Variants in LDB2 observed in about 807,000 individuals in gnomAD.
The protein encoded by LDB2 is LIM domain-binding protein 2.
LDB2 carries 12 observed loss-of-function variants against 44.3 expected under a neutral mutation model. That is an observed-to-expected ratio of 0.27 (90% CI 0.17 to 0.44). LDB2 has a LOEUF of 0.44. LDB2 is among the 20% of genes least tolerant of loss of function. The pLI, the probability that LDB2 is intolerant of heterozygous loss-of-function variation, is 1.00. For synonymous variants in LDB2, 164 were observed against 174.8 expected, an observed-to-expected ratio of 0.94 and a Z score of 0.49; for missense variants, 344 against 473.5, an observed-to-expected ratio of 0.73 and a Z score of 2.54.
chr4:16,742,480 T>G (rs1763505049), intron 2 of LDB2, among the ~76,000 whole-genome samples: 4 of 152,218 alleles, frequency 2.6e-5, no homozygotes, highest in Admixed American at 2.6e-4. Flanking sequence ...CTTGTCTACC[T>G]TTTCTACAAG....
intron 1 of LDB2, among the ~76,000 whole-genome samples, chr4:16,798,983 TG>T (rs1215171157): frequency 1.3e-5 from 2 of 152,198 alleles, no homozygotes; most frequent in Non-Finnish European, 2.9e-5. Flanking sequence ...CCTGAGTAGC[TG>T]GGACTACAGG....
chr4:16,802,109 A>C (rs934679200), intron 1 of LDB2, among the ~76,000 whole-genome samples: 1 of 151,766 alleles, frequency 6.6e-6, no homozygotes, highest in Admixed American at 6.6e-5. Context: ...TCCAAGTGTC[A>C]GTAAGCATTA....
At chr4:16,590,537 A>G (rs1718570935) in intron 3 of LDB2, among the ~76,000 whole-genome samples, 1 of 152,218 alleles carries the variant, frequency 6.6e-6, no homozygotes, top group South Asian at 2.1e-4. Flanking sequence ...GGTGCATTCC[A>G]TGCGCTCTAA....
At chr4:16,572,553 T>TTG (rs1746942788) in intron 5 of LDB2, among the ~76,000 whole-genome samples, 1 of 152,174 alleles carries the variant, frequency 6.6e-6, no homozygotes, top group Admixed American at 6.5e-5. Flanking sequence ...TTTGTTTATT[T>TTG]TGTATATATA....
At chr4:16,789,776 CA>C (rs1225531450) in intron 1 of LDB2, among the ~76,000 whole-genome samples, 1 of 152,018 alleles carries the variant, frequency 6.6e-6, no homozygotes, top group African/African-American at 2.4e-5. Context: ...CTAAAAAATA[CA>C]AAAAATTAGC....
At chr4:16,785,507 T>A (rs753430303) in intron 1 of LDB2, among the ~76,000 whole-genome samples, 6 of 152,086 alleles carry the variant, frequency 3.9e-5, no homozygotes, top group Non-Finnish European at 7.3e-5. Flanking sequence ...CAGGCCAAAA[T>A]GTAATGTGGC....
At chr4:16,700,228 T>A (rs1478869400) in intron 2 of LDB2, among the ~76,000 whole-genome samples, 1 of 152,190 alleles carries the variant, frequency 6.6e-6, no homozygotes, top group African/African-American at 2.4e-5. Context: ...GTAGTGTAAA[T>A]ATGTTTCCAG....
chr4:16,589,802 G>C (rs138283292), intron 3 of LDB2, among the ~76,000 whole-genome samples: 4 of 152,098 alleles, frequency 2.6e-5, no homozygotes, highest in Admixed American at 2.6e-4. Flanking sequence ...AATAGCGGGC[G>C]GATACTTTGG....
chr4:16,803,794 A>G (rs1052112611), intron 1 of LDB2, among the ~76,000 whole-genome samples: 1 of 152,258 alleles, frequency 6.6e-6, no homozygotes, highest in South Asian at 2.1e-4. Flanking sequence ...TGTTCATAAG[A>G]TGAAGAGAAC....
chr4:16,700,107 C>T (rs578114740), intron 2 of LDB2, among the ~76,000 whole-genome samples: 3 of 152,266 alleles, frequency 2.0e-5, no homozygotes, highest in African/African-American at 7.2e-5. Flanking sequence ...ATCCAGAATG[C>T]TCCAATGAAC....
intron 5 of LDB2, among the ~76,000 whole-genome samples, chr4:16,517,879 GTGGATGGATGGATGGATGGATGGATGGA>G (rs34267672): frequency 1.3e-5 from 2 of 148,644 alleles, no homozygotes; most frequent in East Asian, 2.0e-4. Context: ...TGATGAATGA[GTGGATGGATGGATGGATGGATGGATGGA>G]TGGATGGATG....
In LDB2 at chr4:16,733,014, G is replaced by A. The variant is rs183593446; in HGVS notation, c.235+26144C>T. 3.9e-5 allele frequency among the ~76,000 whole-genome samples: 6 copies of A among 152,284 alleles called. No homozygotes were observed. The East Asian group carries it at 1.2e-3, about 29-fold the overall frequency. On this transcript the variant is annotated intron_variant, in intron 2 of 7. Coordinates refer to ENST00000304523, the MANE Select transcript of LDB2 (RefSeq NM_001290.5). ...TTACACACTCAAATCACAATTGGGA[G>A]AACTAGCCTTGACTGGAACCAGATA...
chr4:16,780,521 C>G (rs903344521), intron 1 of LDB2, among the ~76,000 whole-genome samples: 1 of 152,140 alleles, frequency 6.6e-6, no homozygotes, highest in African/African-American at 2.4e-5. Flanking sequence ...CCGCACCTGG[C>G]CAAGATGATT....
Position 16,523,243 on chromosome 4 carries a change from A to G in LDB2, c.616-11139T>C, listed in dbSNP as rs1269586183. Among the ~76,000 whole-genome samples, 3 of 152,208 alleles carry G rather than the reference A, an allele frequency of 2.0e-5. No individual in the cohort carries two copies. The East Asian group carries it at 5.8e-4, about 29-fold the overall frequency. On this transcript the variant is annotated intron_variant, in intron 5 of 7. Transcript: ENST00000304523. The stretch of plus-strand genomic sequence containing the variant: ...CTGTCAATAGTACCAAATTCTATAT[A>G]TACCATTTTTTTTAACCTATATGTA...
intron 2 of LDB2, among the ~76,000 whole-genome samples, chr4:16,623,271 C>T (rs1389319967): frequency 1.3e-5 from 2 of 152,152 alleles, no homozygotes; most frequent in Non-Finnish European, 2.9e-5. Context: ...CAAAGAAATG[C>T]CATTTAATTG....
chr4:16,647,747 C>G (rs1737182282), intron 2 of LDB2, among the ~76,000 whole-genome samples: 1 of 152,152 alleles, frequency 6.6e-6, no homozygotes, highest in Admixed American at 6.5e-5. Context: ...ATGTCTTTGC[C>G]ATGTCACTCC....
At chr4:16,832,126 GAAAAT>G (rs1487034321) in intron 1 of LDB2, among the ~76,000 whole-genome samples, 1 of 152,158 alleles carries the variant, frequency 6.6e-6, no homozygotes. Flanking sequence ...TGAATCAAAA[GAAAAT>G]AAAATAATTA....
intron 1 of LDB2, among the ~76,000 whole-genome samples, chr4:16,886,296 A>G (rs1316977653): frequency 6.6e-6 from 1 of 152,182 alleles, no homozygotes; most frequent in East Asian, 1.9e-4. Flanking sequence ...TAAAATATCT[A>G]TATGTTGTTA....
intron 1 of LDB2, among the ~76,000 whole-genome samples, 199 bp downstream of exon 1, chr4:16,898,155 A>G (rs1197646993): frequency 2.6e-5 from 4 of 151,802 alleles, no homozygotes; most frequent in African/African-American, 9.7e-5. Context: ...ATTCCGGCAG[A>G]AACTGTCCTC....
Sources: allele counts gnomAD v4.1 joint callset (sites outside exome capture counted in the v4.1 genomes callset), GRCh38; gene constraint gnomAD v4.1.1; transcripts MANE v1.5; gene names NCBI Gene and HGNC (gene_info 2026-07-23, HGNC 2026-07-21).